Variants in EML5 observed in about 807,000 individuals in gnomAD.
The protein encoded by EML5 is EMAP like 5.
A neutral mutation model predicts 250.0 loss-of-function variants in EML5; 120 were observed. That is an observed-to-expected ratio of 0.48 (90% CI 0.41 to 0.56). The LOEUF is 0.56. Among genes scored for constraint, EML5 ranks in the 20% least tolerant of loss-of-function variants. EML5 has a pLI of 0.00. For synonymous variants in EML5, 771 were observed against 806.5 expected, an observed-to-expected ratio of 0.96 and a Z score of 0.75; for missense variants, 2,006 against 2,437.6, an observed-to-expected ratio of 0.82 and a Z score of 3.73.
intron 1 of EML5, among the ~76,000 whole-genome samples, chr14:88,778,204 A>C (rs1283050420): frequency 6.6e-6 from 1 of 152,224 alleles, no homozygotes; most frequent in East Asian, 1.9e-4. Context: ...TAACTAAAAT[A>C]AGACCTGAAC....
intron 21 of EML5, among the ~76,000 whole-genome samples, chr14:88,665,865 A>G (rs780553014): frequency 1.3e-5 from 2 of 151,992 alleles, no homozygotes; most frequent in African/African-American, 2.4e-5. Flanking sequence ...CTATGATTGC[A>G]CCACTGCACT....
intron 43 of EML5, 86 bp from the exon 44 acceptor site, chr14:88,615,940 G>T: frequency 6.9e-7 from 1 of 1,457,250 alleles, no homozygotes; most frequent in Non-Finnish European, 9.4e-7. Flanking sequence ...GTGCTTTCAG[G>T]TTACATGTGT....
chr14:88,718,801 G>C (rs1470929534), intron 8 of EML5, among the ~76,000 whole-genome samples: 2 of 152,110 alleles, frequency 1.3e-5, no homozygotes, highest in African/African-American at 4.8e-5. Flanking sequence ...CTTAAGATGG[G>C]ACACATTGAG....
chr14:88,643,606 T>A (rs954593669), intron 30 of EML5, among the ~76,000 whole-genome samples: 1 of 152,202 alleles, frequency 6.6e-6, no homozygotes, highest in African/African-American at 2.4e-5. Flanking sequence ...ATAGAGGGAC[T>A]GTATTTTTTG....
intron 35 of EML5, chr14:88,626,303 T>C (rs1186043298): frequency 6.5e-6 from 1 of 153,112 alleles, no homozygotes; most frequent in African/African-American, 2.4e-5. Context: ...GGCTTTTGAG[T>C]ATAACAGTAG....
At chr14:88,641,367 C>T (rs2140624509) in intron 31 of EML5, among the ~76,000 whole-genome samples, 1 of 152,106 alleles carries the variant, frequency 6.6e-6, no homozygotes, top group East Asian at 1.9e-4. Context: ...CACAAAACAT[C>T]ATTCCCATAC....
intron 1 of EML5, among the ~76,000 whole-genome samples, chr14:88,789,220 A>C (rs1236661442): frequency 1.3e-5 from 2 of 152,164 alleles, no homozygotes. Flanking sequence ...TTATAGATAC[A>C]GATTTTATAG....
chr14:88,729,015 C>A (rs2093711150), intron 7 of EML5, among the ~76,000 whole-genome samples: 1 of 151,962 alleles, frequency 6.6e-6, no homozygotes, highest in Non-Finnish European at 1.5e-5. Flanking sequence ...GTTTTCATAT[C>A]CAGAAAATTT....
chr14:88,648,643 C>A (rs1393497561), intron 28 of EML5, among the ~76,000 whole-genome samples: 1 of 152,058 alleles, frequency 6.6e-6, no homozygotes, highest in Admixed American at 6.6e-5. Context: ...AGGCATAAAC[C>A]ACTGCACCCG....
rs556706515 is a variant in EML5 at position 88,711,290 on chromosome 14, G to A, written c.1657+981C>T. 2.7e-5 allele frequency among the ~76,000 whole-genome samples: 4 copies of A among 150,246 alleles called. No homozygotes were observed. The South Asian group carries it at 8.5e-4, about 32-fold the overall frequency. On this transcript the variant is annotated intron_variant, in intron 10 of 43. Coordinates refer to ENST00000554922, the MANE Select transcript of EML5 (RefSeq NM_183387.3). ...TTGAAGGAGAGACCTGGTGGGAGGT[G>A]ATCGAATCATGGGGGCAGTTTCCCC...
intron 2 of EML5, among the ~76,000 whole-genome samples, chr14:88,747,964 G>A (rs911072501): frequency 6.6e-6 from 1 of 151,554 alleles, no homozygotes. Flanking sequence ...GCAACTGGAA[G>A]TAAAGCACTG....
chr14:88,758,470 C>T (rs1415735869), intron 1 of EML5, among the ~76,000 whole-genome samples: 2 of 152,156 alleles, frequency 1.3e-5, no homozygotes, highest in South Asian at 2.1e-4. Context: ...GCTGGGATTA[C>T]AGGCATGAGC....
At position 88,772,753 on chromosome 14, in the gene EML5, A is replaced by G. The variant is rs969669520; in HGVS notation, c.198-18082T>C. On this transcript the variant is annotated intron_variant, in intron 1 of 43. Coordinates refer to ENST00000554922, the MANE Select transcript of EML5 (RefSeq NM_183387.3). ...GGGCGACAGGGCAAGACTCCATCTC[A>G]AAAAAAAAAAAGGTATACCCTCACC... Among the ~76,000 whole-genome samples, 59 of 142,050 alleles carry G rather than the reference A, an allele frequency of 4.2e-4. 1 individual carries two copies. The highest frequency in any genetic ancestry group is 1.5e-3 in the African/African-American group (56 of 37,158). The allele number at this position is 142,050 out of a possible 152,430, so 93.2% of individuals were successfully genotyped here.
At chr14:88,761,596 T>C (rs1004674828) in intron 1 of EML5, among the ~76,000 whole-genome samples, 21 of 152,370 alleles carry the variant, frequency 1.4e-4, no homozygotes, top group African/African-American at 3.4e-4. Flanking sequence ...CAGTCTATCA[T>C]TGATGGGCAT....
chr14:88,688,038 T>C (rs554516898), intron 18 of EML5, among the ~76,000 whole-genome samples: 272 of 152,276 alleles, frequency 1.8e-3, no homozygotes, highest in Middle Eastern at 3.4e-3. Flanking sequence ...ACCACTGCGC[T>C]CCAGCTTGGG....
chr14:88,726,654 T>C lies in EML5; in HGVS notation c.1074A>G (p.Ala358=). 1 of 1,558,116 alleles carries C rather than the reference T, an allele frequency of 6.4e-7. No individual in the cohort carries two copies. Among genetic ancestry groups the C allele is most frequent in the African/African-American group, 1.4e-5 (1 of 73,542 alleles). The change falls in exon 8 of 44, where the codon GCA becomes GCG. Residue 358 remains alanine, a synonymous_variant. Coordinates refer to ENST00000554922, the MANE Select transcript of EML5 (RefSeq NM_183387.3). ...SVRIWSLVDH[A]LIARCNMEEP... ...CTTCCATATTACACCTTGCTATTAA[T>C]GCATGATCTACTAGGCTCCATATCC...
chr14:88,754,040 G>C (rs1288783885), intron 2 of EML5, among the ~76,000 whole-genome samples: 1 of 151,990 alleles, frequency 6.6e-6, no homozygotes, highest in Non-Finnish European at 1.5e-5. Context: ...AGGAAGGTGA[G>C]GCAGGAACAT....
At chr14:88,695,537 T>A in intron 15 of EML5, 83 bp from the exon 16 acceptor site, 2 of 1,242,158 alleles carry the variant, frequency 1.6e-6, no homozygotes, top group South Asian at 1.4e-5. Context: ...TAAACCCACA[T>A]CCTATATTTA....
At chr14:88,787,300 G>T (rs1042953441) in intron 1 of EML5, among the ~76,000 whole-genome samples, 1 of 152,170 alleles carries the variant, frequency 6.6e-6, no homozygotes, top group Non-Finnish European at 1.5e-5. Context: ...ATCTGATTGT[G>T]TCTAAACTCT....
Sources: gnomAD v4.1 joint callset for allele counts (sites outside exome capture counted in the v4.1 genomes callset) on GRCh38, gnomAD v4.1.1 for gene constraint, MANE v1.5 for transcripts, NCBI Gene and HGNC (gene_info 2026-07-23, HGNC 2026-07-21) for gene names.